The following MUC5B variants were observed in gnomAD, a reference collection of about 807,000 sequenced individuals.
MUC5B encodes the protein mucin 5B, oligomeric mucus/gel-forming.
Under a neutral mutation model 376.9 loss-of-function variants are expected in MUC5B, and 116 were observed. The observed-to-expected ratio is 0.31, with a 90% CI of 0.26 to 0.36. The LOEUF is 0.36. Ranked by LOEUF, MUC5B falls within the 10% of genes least tolerant of loss-of-function variation. MUC5B has a pLI of 1.00. For synonymous variants in MUC5B, 3,517 were observed against 3,390.9 expected, an observed-to-expected ratio of 1.04 and a Z score of -1.29; for missense variants, 7,165 against 7,769.9, an observed-to-expected ratio of 0.92 and a Z score of 2.93.
intron 1 of MUC5B, among the ~76,000 whole-genome samples, chr11:1,223,988 G>C (rs56361106): frequency 0.031 from 4,711 of 152,356 alleles, 84 homozygotes; most frequent in Middle Eastern, 0.078. Context: ...TCCATCTGTG[G>C]AAGGGAGGCT....
rs962324056 is a variant in MUC5B at position 1,239,386 on chromosome 11, CAGGGGTG to C, written c.3455-47_3455-41del. 3.8e-5 allele frequency: 60 copies of C among 1,565,728 alleles called. 1 individual carries two copies. The Middle Eastern group carries it at 2.7e-3, about 72-fold the overall frequency. The stretch of plus-strand genomic sequence containing the variant: ...CCGGGGTAGGGGCTGCCCTGCACAA[CAGGGGTG>C]AGGGCTGGTGGGCGCCTCCTTAGCC... On this transcript the variant is annotated intron_variant, in intron 26 of 48. Coordinates refer to ENST00000529681, the MANE Select transcript of MUC5B (RefSeq NM_002458.3).
In MUC5B at chr11:1,255,546, G is replaced by A. The variant is rs929646265; in HGVS notation, c.16054G>A (p.Gly5352Ser). Residue 5352 changes from glycine to serine, a missense_variant, in exon 37 of 49, where the codon GGT becomes AGT. Around this residue, in one of 31 missense-constraint regions of MUC5B, gnomAD observed 842 missense variants for 1,016.9 expected, o/e 0.83. Coordinates refer to ENST00000529681, the MANE Select transcript of MUC5B (RefSeq NM_002458.3). ...GTGCAGTGACTGGCGAGGTGCAACCGGTGGCCTGTGCGGTGAGTGGGGGCG... is the reference window on the plus strand; with the variant it reads ...GTGCAGTGACTGGCGAGGTGCAACCAGTGGCCTGTGCGGTGAGTGGGGGCG... ...GVCSDWRGAT[G>S]GLCDLTCPPT... The A allele has an allele frequency of 4.6e-6, 7 of 1,534,288 alleles. No homozygotes were observed. In the East Asian group the frequency reaches 7.4e-5, roughly 16 times the overall value.
At position 1,255,441 on chromosome 11, in the gene MUC5B, A is replaced by G. The variant is rs1307536438; in HGVS notation, c.15949A>G (p.Ser5317Gly). Residue 5317 changes from serine (S) to glycine (G), a missense_variant, in exon 37 of 49, where the codon AGC (serine) becomes GGC (glycine). Physicochemically the swap from Ser to Gly is moderately conservative, Grantham distance 56. Transcript: ENST00000529681. Reference protein sequence around the residue: ...PPGPFFNACISDHCRGRLEVP... With the variant: ...PPGPFFNACIGDHCRGRLEVP... ...GGGCCCATTCTTCAACGCCTGCATC[A>G]GCGACCACTGCAGGGGCCGCCTTGA... 1 of 1,603,656 alleles carries G rather than the reference A, an allele frequency of 6.2e-7. No individual in the cohort carries two copies. Among genetic ancestry groups the G allele is most frequent in the Non-Finnish European group, 8.5e-7 (1 of 1,175,922 alleles).
At chr11:1,226,584 G>A in intron 3 of MUC5B, 31 bp from the exon 4 acceptor site, 1 of 1,589,358 alleles carries the variant, frequency 6.3e-7, no homozygotes, top group South Asian at 1.1e-5. Flanking sequence ...GGGCTGGCAT[G>A]GGGATGGGCC....
Position 1,251,525 on chromosome 11 carries a change from C to A in MUC5B, c.14645C>A (p.Thr4882Asn). ...GTAHTPKVVT[T>N]MATMPTATAS... ...GCTCACACCCCCAAAGTGGTGACCA[C>A]CATGGCCACTATGCCCACAGCCACT... The change falls in exon 31 of 49, where the codon ACC (threonine) becomes AAC (asparagine). Residue 4882 changes from threonine (T) to asparagine (N), a missense_variant. Physicochemically the swap from Thr to Asn is moderately conservative, Grantham distance 65. Transcript: ENST00000529681. The A allele has an allele frequency of 6.2e-7, 1 of 1,613,164 alleles. No individual in the cohort carries two copies. The highest frequency in any genetic ancestry group is 8.5e-7 in the Non-Finnish European group (1 of 1,179,828).
intron 3 of MUC5B, 29 bp downstream of exon 3, chr11:1,226,305 G>T: frequency 1.9e-6 from 3 of 1,548,822 alleles, no homozygotes; most frequent in Non-Finnish European, 2.6e-6. Context: ...TGCCAGCCGG[G>T]AAGGGGGTGT....
chr11:1,231,706 C>A lies in MUC5B; in HGVS notation c.1678+146C>A, dbSNP rs1166374235. 5 of 1,117,670 alleles carry A rather than the reference C, an allele frequency of 4.5e-6. No homozygotes were observed. The Admixed American group carries it at 1.1e-4, about 25-fold the overall frequency. 69.2% of individuals were successfully genotyped at this position (1,117,670 alleles called of 1,614,324 possible). A position where few individuals can be genotyped will look rare whatever the true frequency, so the allele number is the denominator to read the frequency against. On this transcript the variant is annotated intron_variant, in intron 14 of 48. Coordinates refer to ENST00000529681, the MANE Select transcript of MUC5B (RefSeq NM_002458.3). Reference sequence around the variant, plus strand: ...GGCATGGCGGAGATCCTGGTGCCAGCGCAGGACACCAGCATTGGACCAGCG... The same window carrying A: ...GGCATGGCGGAGATCCTGGTGCCAGAGCAGGACACCAGCATTGGACCAGCG...
rs866856162 is a variant in MUC5B at position 1,223,109 on chromosome 11, G to A, written c.-15G>A. ...CCTGCCCGTCCCCGTCCCCCCACCCGTGCCAGCCCCCAGGATGGGTGCCCC... is the reference window on the plus strand; with the variant it reads ...CCTGCCCGTCCCCGTCCCCCCACCCATGCCAGCCCCCAGGATGGGTGCCCC... On this transcript the variant is annotated 5_prime_UTR_variant, in exon 1 of 49. The change creates a new upstream start codon in the 5' untranslated region. Transcript: ENST00000529681. 6.3e-5 allele frequency: 33 copies of A among 524,458 alleles called. No individual in the cohort carries two copies. Among genetic ancestry groups the A allele is most frequent in the East Asian group, 5.9e-4 (13 of 21,884 alleles). The allele number at this position is 524,458 out of a possible 1,614,324, so 32.5% of individuals were successfully genotyped here. A position where few individuals can be genotyped will look rare whatever the true frequency, so the allele number is the denominator to read the frequency against.
Position 1,254,320 on chromosome 11 carries a change from T to A in MUC5B, c.15446T>A (p.Val5149Asp). The A allele has an allele frequency of 6.2e-7, 1 of 1,606,278 alleles. No homozygotes were observed. Among genetic ancestry groups the A allele is most frequent in the Non-Finnish European group, 8.5e-7 (1 of 1,179,790 alleles). The change falls in exon 34 of 49, where the codon GTC becomes GAC. Residue 5149 changes from valine (V) to aspartate (D), a missense_variant. Transcript: ENST00000529681. ...HYKSMDIVLT[V>D]TMVHGKEEGL... ...AAGTCCATGGATATCGTCCTCACTGTCACCATGGTGCATGGGAAGGAGGAG... is the reference window on the plus strand; with the variant it reads ...AAGTCCATGGATATCGTCCTCACTGACACCATGGTGCATGGGAAGGAGGAG...
chr11:1,246,359 C>G lies in MUC5B; in HGVS notation c.9479C>G (p.Thr3160Ser). Residue 3160 changes from threonine (T) to serine (S), a missense_variant, in exon 31 of 49, where the codon ACC (threonine) becomes AGC (serine). Transcript: ENST00000529681. Reference sequence around the variant, plus strand: ...GCCACCCCGTCCTCCACCCCAGGGACCACCTGGATCCTCACAGAGCCCAGC... The same window carrying G: ...GCCACCCCGTCCTCCACCCCAGGGAGCACCTGGATCCTCACAGAGCCCAGC... The part of the protein sequence containing the change: ...PTATPSSTPG[T>S]TWILTEPSTT... 1 of 1,604,582 alleles carries G rather than the reference C, an allele frequency of 6.2e-7. No homozygotes were observed. Among genetic ancestry groups the G allele is most frequent in the South Asian group, 1.1e-5 (1 of 90,306 alleles).
Position 1,242,630 on chromosome 11 carries a change from C to A in MUC5B, c.5750C>A (p.Thr1917Asn). 6.2e-7 allele frequency: 1 copy of A among 1,613,870 alleles called. No homozygotes were observed. The highest frequency in any genetic ancestry group is 8.5e-7 in the Non-Finnish European group (1 of 1,179,832). ...AAGCCGACCACAACAGCCACTACGA[C>A]TGCGTCCACTGGATCCACGGCCACC... is the stretch of plus-strand genomic sequence containing the variant. The part of the protein sequence containing the change: ...LTKPTTTATT[T>N]ASTGSTATPT... Residue 1917 changes from threonine to asparagine, a missense_variant, in exon 31 of 49, where the codon ACT becomes AAT. Transcript: ENST00000529681.
At chr11:1,256,627 C>T in intron 38 of MUC5B, 44 bp from the exon 39 acceptor site, 6 of 1,492,242 alleles carry the variant, frequency 4.0e-6, no homozygotes, top group Admixed American at 2.2e-5. Context: ...CAGTGGAGGC[C>T]TCCTGGATCT....
At chr11:1,233,351 C>A (rs914026271) in intron 18 of MUC5B, 83 bp downstream of exon 18, 53 of 1,405,202 alleles carry the variant, frequency 3.8e-5, no homozygotes, top group Non-Finnish European at 4.5e-5. Flanking sequence ...TGTGCCTCCC[C>A]CCGAGGGTTC....
In MUC5B at chr11:1,249,332, A is replaced by T. The variant is rs1304263431; in HGVS notation, c.12452A>T (p.Asp4151Val). Residue 4151 changes from aspartate (D) to valine (V), a missense_variant, in exon 31 of 49, where the codon GAC becomes GTC. Transcript: ENST00000529681. The part of the protein sequence containing the change: ...SYPMPGPSGG[D>V]FDTYSNIRAA... ...CCCATGCCGGGGCCCTCTGGCGGGG[A>T]CTTTGACACCTACTCCAACATCCGT... The T allele has an allele frequency of 6.2e-7, 1 of 1,610,372 alleles. No individual in the cohort carries two copies. The highest frequency in any genetic ancestry group is 8.5e-7 in the Non-Finnish European group (1 of 1,179,424).
Position 1,248,661 on chromosome 11 carries a change from C to A in MUC5B, c.11781C>A (p.Ala3927=), listed in dbSNP as rs779663917. The A allele has an allele frequency of 1.7e-5, 28 of 1,603,710 alleles. No homozygotes were observed. Among genetic ancestry groups the A allele is most frequent in the Non-Finnish European group, 2.4e-5 (28 of 1,175,664 alleles). Reference sequence around the variant, plus strand: ...TGACCACCACCACCACAACTGTGGCCACTGGTTCTATGGCAACACCCTCCT... The same window carrying A: ...TGACCACCACCACCACAACTGTGGCAACTGGTTCTATGGCAACACCCTCCT... ...TVLTTTTTTV[A]TGSMATPSSS... is the part of the protein sequence containing the mutation. The change falls in exon 31 of 49, where the codon GCC becomes GCA. Residue 3927 remains alanine (A), a synonymous_variant. Coordinates refer to ENST00000529681, the MANE Select transcript of MUC5B (RefSeq NM_002458.3).
chr11:1,241,219 A>C lies in MUC5B; in HGVS notation c.4339A>C (p.Ser1447Arg). Residue 1447 changes from serine (S) to arginine (R), a missense_variant, in exon 31 of 49, where the codon AGT (serine) becomes CGT (arginine). By Grantham distance (110) the Ser-to-Arg change is moderately radical (BLOSUM62 -1). Coordinates refer to ENST00000529681, the MANE Select transcript of MUC5B (RefSeq NM_002458.3). Reference sequence around the variant, plus strand: ...AGGCACCAGCCCTCAGCCCTCCCTCAGTGCCAGCACGGAGCCTGCTGTGCC... The same window carrying C: ...AGGCACCAGCCCTCAGCCCTCCCTCCGTGCCAGCACGGAGCCTGCTGTGCC... ...APGTSPQPSL[S>R]ASTEPAVPTP... 6.3e-7 allele frequency: 1 copy of C among 1,593,028 alleles called. No individual in the cohort carries two copies. The highest frequency in any genetic ancestry group is 8.5e-7 in the Non-Finnish European group (1 of 1,170,136).
rs745313898 is a variant in MUC5B, at chr11:1,251,228, C to A, written c.14348C>A (p.Thr4783Asn). 1.7e-5 allele frequency: 27 copies of A among 1,610,964 alleles called. 2 individuals carry two copies. Among genetic ancestry groups the A allele is most frequent in the Middle Eastern group, 1.7e-4 (1 of 6,060 alleles). Residue 4783 changes from threonine (T) to asparagine (N), a missense_variant, in exon 31 of 49, where the codon ACT becomes AAT. Transcript: ENST00000529681. ...ATGTCCACAATCCACACCTCCTCTA[C>A]TCCAGAGACCACCCACACCTCCACA... ...STMSTIHTSSTPETTHTSTVL... is the reference protein window; with the variant it reads ...STMSTIHTSSNPETTHTSTVL...
At chr11:1,232,618 C>A (rs747121385) in intron 16 of MUC5B, 26 bp from the exon 17 acceptor site, 1 of 1,600,492 alleles carries the variant, frequency 6.2e-7, no homozygotes, top group Non-Finnish European at 8.5e-7. Flanking sequence ...GGGTCCCTGA[C>A]GCCCCGATGC....
chr11:1,236,270 G>A (rs1014043243), intron 23 of MUC5B, 116 bp from the exon 24 acceptor site: 8 of 1,019,674 alleles, frequency 7.8e-6, no homozygotes, highest in South Asian at 1.8e-5. Context: ...AACGCCAGCC[G>A]CTTGTGCTAA....
Sources: gnomAD v4.1 joint callset for allele counts (sites outside exome capture counted in the v4.1 genomes callset) on GRCh38, gnomAD v4.1.1 for gene constraint, gnomAD v4.1.1 regional missense constraint, MANE v1.5 for transcripts, NCBI Gene and HGNC (gene_info 2026-07-23, HGNC 2026-07-21) for gene names.